The following ITGB5 variants were observed in gnomAD, a reference collection of about 807,000 sequenced individuals.
The protein encoded by ITGB5 is integrin beta-5.
A neutral mutation model predicts 84.8 loss-of-function variants in ITGB5; 38 were observed. That is an observed-to-expected ratio of 0.45 (90% CI 0.35 to 0.59). ITGB5 has a LOEUF of 0.59. Among genes scored for constraint, ITGB5 ranks in the 20% least tolerant of loss-of-function variants. The pLI is 0.01. For missense variants in ITGB5, 905 were observed against 1,034.5 expected, an observed-to-expected ratio of 0.87 and a Z score of 1.72; for synonymous variants, 393 against 414.4, an observed-to-expected ratio of 0.95 and a Z score of 0.63.
chr3:124,893,692 C>G (rs6783734), intron 1 of ITGB5, among the ~76,000 whole-genome samples: 125,389 of 152,132 alleles, frequency 0.82, 51,779 homozygotes, highest in African/African-American at 0.86. Flanking sequence ...GCCTATTATG[C>G]TAACTGGCAT....
chr3:124,900,190 G>A (rs1191151870), intron 1 of ITGB5, among the ~76,000 whole-genome samples: 1 of 152,146 alleles, frequency 6.6e-6, no homozygotes, highest in Non-Finnish European at 1.5e-5. Context: ...TGACAGAGAG[G>A]TAGGCAATGG....
chr3:124,865,483 T>TTTTC lies in ITGB5; in HGVS notation c.157-6038_157-6037insGAAA, dbSNP rs1553766687. On this transcript the variant is annotated intron_variant, in intron 2 of 14. Coordinates refer to ENST00000296181, the MANE Select transcript of ITGB5 (RefSeq NM_002213.5). ...GAAGTGTCCTTTGCGGCTTTTTTCT[T>TTTTC]TTTTTTTTTTTTTTTTTTTGAGAGA... Among the ~76,000 whole-genome samples, 571 of 126,480 alleles carry TTTTC rather than the reference T, an allele frequency of 4.5e-3. 16 individuals are homozygous for TTTTC. Among genetic ancestry groups the TTTTC allele is most frequent in the Admixed American group, 0.035 (447 of 12,882 alleles). The allele number at this position is 126,480 out of a possible 152,430, so 83.0% of individuals were successfully genotyped here. A position where few individuals can be genotyped will look rare whatever the true frequency, so the allele number is the denominator to read the frequency against.
chr3:124,865,703 G>T (rs2065379614), intron 2 of ITGB5, among the ~76,000 whole-genome samples: 1 of 151,896 alleles, frequency 6.6e-6, no homozygotes, highest in African/African-American at 2.4e-5. Context: ...GCCCAGGCTG[G>T]TCTACAACTC....
chr3:124,829,836 C>T (rs569342960), intron 5 of ITGB5, among the ~76,000 whole-genome samples: 3 of 152,326 alleles, frequency 2.0e-5, no homozygotes, highest in East Asian at 1.9e-4. Context: ...CACCCTGCGA[C>T]GCCACCAAAC....
At chr3:124,820,349 G>A (rs1369396186) in intron 6 of ITGB5, among the ~76,000 whole-genome samples, 1 of 152,214 alleles carries the variant, frequency 6.6e-6, no homozygotes, top group Admixed American at 6.5e-5. Flanking sequence ...GCAGAGGAGG[G>A]TGCCGAGCTC....
At chr3:124,777,521 C>T (rs1363958309) in intron 10 of ITGB5, among the ~76,000 whole-genome samples, 6 of 152,268 alleles carry the variant, frequency 3.9e-5, no homozygotes, top group Non-Finnish European at 8.8e-5. Context: ...GTTGAGTTTA[C>T]CTTGGGTAGT....
intron 1 of ITGB5, among the ~76,000 whole-genome samples, chr3:124,876,682 AG>A (rs1436556818): frequency 6.6e-6 from 1 of 152,210 alleles, no homozygotes; most frequent in Non-Finnish European, 1.5e-5. Context: ...GTGAGAACAA[AG>A]GTTTCCACCA....
At chr3:124,864,184 T>C (rs1460943186) in intron 2 of ITGB5, among the ~76,000 whole-genome samples, 1 of 130,230 alleles carries the variant, frequency 7.7e-6, no homozygotes, top group East Asian at 2.7e-4. Flanking sequence ...CTCAGCTCAC[T>C]GCAAGGTCCG....
At chr3:124,808,068 CGAG>C (rs893919972) in intron 9 of ITGB5, among the ~76,000 whole-genome samples, 4 of 151,086 alleles carry the variant, frequency 2.6e-5, no homozygotes, top group Non-Finnish European at 4.4e-5. Flanking sequence ...TGGAGAAACC[CGAG>C]GAGACCACTG....
At chr3:124,788,975 C>T (rs1039382962) in intron 10 of ITGB5, among the ~76,000 whole-genome samples, 6 of 152,084 alleles carry the variant, frequency 3.9e-5, no homozygotes, top group Non-Finnish European at 7.4e-5. Context: ...GGGAGGATCC[C>T]TTGAGCCCAG....
intron 1 of ITGB5, among the ~76,000 whole-genome samples, chr3:124,877,637 CA>C (rs1934386243): frequency 1.3e-5 from 2 of 152,078 alleles, no homozygotes; most frequent in Non-Finnish European, 2.9e-5. Context: ...TGACTTGAAA[CA>C]AGGAGCCCTA....
intron 5 of ITGB5, among the ~76,000 whole-genome samples, chr3:124,826,600 T>TA (rs1224595159): frequency 1.3e-5 from 2 of 152,212 alleles, no homozygotes; most frequent in Admixed American, 1.3e-4. Context: ...GCCCATCAAC[T>TA]AGCAAGGGCC....
chr3:124,798,030 T>C (rs1285530901), intron 9 of ITGB5, among the ~76,000 whole-genome samples: 1 of 149,166 alleles, frequency 6.7e-6, no homozygotes, highest in Non-Finnish European at 1.5e-5. Context: ...CTATTCTTAA[T>C]TCTATTCTTT....
intron 8 of ITGB5, among the ~76,000 whole-genome samples, chr3:124,816,237 T>A (rs1385053367): frequency 6.6e-6 from 1 of 152,180 alleles, no homozygotes; most frequent in African/African-American, 2.4e-5. Context: ...AGCCCCAGGG[T>A]TCCCCCTAGC....
chr3:124,878,291 T>C (rs1015676184), intron 1 of ITGB5, among the ~76,000 whole-genome samples: 1 of 152,218 alleles, frequency 6.6e-6, no homozygotes, highest in South Asian at 2.1e-4. Flanking sequence ...GCTCTGGTCT[T>C]CTGGTCCACC....
At position 124,800,283 on chromosome 3, in the gene ITGB5, A is replaced by G. The variant is rs76245519; in HGVS notation, c.1264-3466T>C. On this transcript the variant is annotated intron_variant, in intron 9 of 14. Coordinates refer to ENST00000296181, the MANE Select transcript of ITGB5 (RefSeq NM_002213.5). ...CTGGACCAAGAGCCAAAGGCATTTA[A>G]TTATTGAAAGACTGTGGGGAGTACA... Among the ~76,000 whole-genome samples, 212 of 152,336 alleles carry G rather than the reference A, an allele frequency of 1.4e-3. 1 individual carries two copies. Among genetic ancestry groups the G allele is most frequent in the African/African-American group, 5.0e-3 (206 of 41,578 alleles).
At chr3:124,895,689 C>T (rs1234961546) in intron 1 of ITGB5, among the ~76,000 whole-genome samples, 1 of 152,164 alleles carries the variant, frequency 6.6e-6, no homozygotes, top group Non-Finnish European at 1.5e-5. Context: ...GCTCAAGGAC[C>T]AGGTACACAA....
chr3:124,766,375 A>G (rs2063768839), intron 12 of ITGB5, 30 bp from the exon 13 acceptor site: 1 of 1,612,250 alleles, frequency 6.2e-7, no homozygotes, highest in African/African-American at 1.3e-5. Flanking sequence ...GAATGGCCTG[A>G]GTCTCTCTGA....
chr3:124,766,520 A>G (rs1025913356), intron 12 of ITGB5, among the ~76,000 whole-genome samples, 175 bp from the exon 13 acceptor site: 4 of 152,282 alleles, frequency 2.6e-5, no homozygotes, highest in African/African-American at 9.6e-5. Context: ...CACACCAAGA[A>G]TGCAGGCCCA....
Sources: gnomAD v4.1 joint callset for allele counts (sites outside exome capture counted in the v4.1 genomes callset) on GRCh38, gnomAD v4.1.1 for gene constraint, MANE v1.5 for transcripts, NCBI Gene and HGNC (gene_info 2026-07-23, HGNC 2026-07-21) for gene names.